The following SELENOW variants were observed in gnomAD, a reference collection of about 807,000 sequenced individuals.
SELENOW encodes selenoprotein W.
SELENOW carries 20 observed loss-of-function variants against 16.6 expected under a neutral mutation model. The ratio of observed to expected loss-of-function variants is 1.21; its 90% CI spans 0.85 to 1.76. SELENOW has a LOEUF of 1.76. SELENOW is among the 40% of genes most tolerant of loss of function. The pLI, the probability that SELENOW is intolerant of heterozygous loss-of-function variation, is 0.00. For missense variants in SELENOW, 124 were observed against 111.0 expected (o/e 1.12, Z -0.53); for synonymous variants, 44 against 46.2 (o/e 0.95, Z 0.19).
At chr19:47,782,983 A>G (rs957137167) in intron 5 of SELENOW, 5 of 152,168 alleles carry the variant, frequency 3.3e-5, no homozygotes, top group Non-Finnish European at 5.9e-5. Flanking sequence ...GTGAAACCCA[A>G]CCCATTCTAG....
At position 47,781,110 on chromosome 19, in the gene SELENOW, C is replaced by T. The variant is rs768462726; in HGVS notation, c.111C>T (p.Cys37=). 170 of 1,612,882 alleles carry T rather than the reference C, an allele frequency of 1.1e-4. No homozygotes were observed. Among genetic ancestry groups the T allele is most frequent in the Non-Finnish European group, 1.3e-4 (156 of 1,179,078 alleles). ...EDEFPGRLDI[C]GEGTPQATGF... ...TCTCCCCTACCCCCTTTCCTCAGTG[C>T]GGCGAGGGAACTCCCCAGGCCACCG... Residue 37 remains cysteine, a splice_region_variant and synonymous_variant, in exon 4 of 6, where the codon TGC becomes TGT. Coordinates refer to ENST00000601048, the MANE Select transcript of SELENOW (RefSeq NM_003009.4).
intron 5 of SELENOW, chr19:47,782,230 T>G (rs1967485268): frequency 6.6e-6 from 1 of 152,656 alleles, no homozygotes; most frequent in Non-Finnish European, 1.5e-5. Flanking sequence ...GAGAATTAGT[T>G]CTAGGAATAT....
rs778855384 is a variant in SELENOW at position 47,780,770 on chromosome 19, G to GA, written c.54+21_54+22insA. ...CCAAGGTAAGCAGAGTGGATGCCCG[G>GA]GGGGCATTCCTGGGAGCTGGGGAGG... On this transcript the variant is annotated intron_variant, in intron 2 of 5. Coordinates refer to ENST00000601048, the MANE Select transcript of SELENOW (RefSeq NM_003009.4). 25 of 1,581,414 alleles carry GA rather than the reference G, an allele frequency of 1.6e-5. No individual in the cohort carries two copies. The East Asian group carries it at 3.5e-4, about 22-fold the overall frequency.
intron 1 of SELENOW, chr19:47,779,573 C>CG (rs1472267895): frequency 1.3e-5 from 2 of 152,936 alleles, no homozygotes; most frequent in Non-Finnish European, 2.9e-5. Flanking sequence ...GAGGCTGAGG[C>CG]GGGTGGATCG....
chr19:47,780,659 C>T, intron 1 of SELENOW, 66 bp from the exon 2 acceptor site: 2 of 1,419,728 alleles, frequency 1.4e-6, no homozygotes, highest in Non-Finnish European at 1.9e-6. Flanking sequence ...TGTCTACCCT[C>T]CTCTCCCCGA....
At position 47,780,931 on chromosome 19, in the gene SELENOW, T is replaced by C. The variant is rs1967467389; in HGVS notation, c.108+14T>C. 6.2e-7 allele frequency: 1 copy of C among 1,613,130 alleles called. No individual in the cohort carries two copies. Among genetic ancestry groups the C allele is most frequent in the African/African-American group, 1.3e-5 (1 of 74,952 alleles). ...CGCCTGGACATCGTGAGTCTTGGGA[T>C]GGGGAGAAAGACTTGAGCACAGCCA... On this transcript the variant is annotated intron_variant, in intron 3 of 5. Coordinates refer to ENST00000601048, the MANE Select transcript of SELENOW (RefSeq NM_003009.4).
chr19:47,780,884 G>T lies in SELENOW; in HGVS notation c.75G>T (p.Lys25Asn). The T allele has an allele frequency of 6.2e-7, 1 of 1,613,370 alleles. No homozygotes were observed. The highest frequency in any genetic ancestry group is 8.5e-7 in the Non-Finnish European group (1 of 1,179,714). ...YKSKYLQLKK[K>N]LEDEFPGRLD... Reference sequence around the variant, plus strand: ...TTCAGTATCTTCAGCTCAAGAAGAAGTTAGAAGATGAGTTCCCCGGCCGCC... The same window carrying T: ...TTCAGTATCTTCAGCTCAAGAAGAATTTAGAAGATGAGTTCCCCGGCCGCC... Residue 25 changes from lysine (K) to asparagine (N), a missense_variant, in exon 3 of 6, where the codon AAG (lysine) becomes AAT (asparagine). By Grantham distance (94) the Lys-to-Asn change is moderately conservative (BLOSUM62 0). Transcript: ENST00000601048.
intron 2 of SELENOW, 57 bp downstream of exon 2, chr19:47,780,806 A>G: frequency 6.2e-7 from 1 of 1,600,698 alleles, no homozygotes; most frequent in Non-Finnish European, 8.5e-7. Flanking sequence ...GGTAGAGTGC[A>G]TATTGGGAGG....
intron 1 of SELENOW, chr19:47,780,012 GCC>G: frequency 2.9e-6 from 1 of 344,180 alleles, no homozygotes. Context: ...ATTTTGAGAC[GCC>G]TACCAGGCCT....
At position 47,780,914 on chromosome 19, in the gene SELENOW, C is replaced by G. The variant is rs773785053; in HGVS notation, c.105C>G (p.Asp35Glu). 9 of 1,613,294 alleles carry G rather than the reference C, an allele frequency of 5.6e-6. No homozygotes were observed. In the Middle Eastern group the frequency reaches 8.2e-4, roughly 147 times the overall value. The change falls in exon 3 of 6, where the codon GAC becomes GAG. Residue 35 changes from aspartate (D) to glutamate (E), a missense_variant. Coordinates refer to ENST00000601048, the MANE Select transcript of SELENOW (RefSeq NM_003009.4). ...KLEDEFPGRLDICGEGTPQAT... is the reference protein window; with the variant it reads ...KLEDEFPGRLEICGEGTPQAT... ...AAGATGAGTTCCCCGGCCGCCTGGA[C>G]ATCGTGAGTCTTGGGATGGGGAGAA...
intron 5 of SELENOW, chr19:47,781,694 C>A: frequency 2.2e-6 from 1 of 454,962 alleles, no homozygotes; most frequent in Non-Finnish European, 4.1e-6. Context: ...AGGATGACAG[C>A]TGAGATGGTG....
Position 47,778,777 on chromosome 19 carries a change from C to T in SELENOW, c.-9C>T, listed in dbSNP as rs759969682. On this transcript the variant is annotated 5_prime_UTR_variant, in exon 1 of 6. Transcript: ENST00000601048. ...GTCCGCTCCTCAGCGGATGTGGCAG[C>T]CCCGAGCCATGGCTCTCGCCGTCCG... 5.6e-6 allele frequency: 9 copies of T among 1,603,400 alleles called. No homozygotes were observed. Among genetic ancestry groups the T allele is most frequent in the Non-Finnish European group, 7.7e-6 (9 of 1,175,992 alleles).
chr19:47,779,117 G>A (rs1967442418), intron 1 of SELENOW: 2 of 449,312 alleles, frequency 4.5e-6, no homozygotes, highest in African/African-American at 4.1e-5. Context: ...CTGGGGGTCA[G>A]CTTTGTAAAG....
chr19:47,780,277 G>A (rs1040393410), intron 1 of SELENOW: 9 of 369,732 alleles, frequency 2.4e-5, no homozygotes, highest in Non-Finnish European at 4.4e-5. Context: ...AGGAGCCGCA[G>A]GGTTTTCCTT....
Position 47,781,185 on chromosome 19 carries a change from ATGTC to A in SELENOW, c.183+12_183+15del. 2 of 1,613,502 alleles carry A rather than the reference ATGTC, an allele frequency of 1.2e-6. No individual in the cohort carries two copies. The highest frequency in any genetic ancestry group is 1.7e-6 in the Non-Finnish European group (2 of 1,179,592). Reference sequence around the variant, plus strand: ...GGAAGTTGATTCACTCTAAGAAGGTATGTCTGTCTGTCCGTCCTGCCTGGTTTTG... The same window carrying A: ...GGAAGTTGATTCACTCTAAGAAGGTATGTCTGTCCGTCCTGCCTGGTTTTG... On this transcript the variant is annotated splice_donor_5th_base_variant and intron_variant, in intron 4 of 5. Coordinates refer to ENST00000601048, the MANE Select transcript of SELENOW (RefSeq NM_003009.4).
chr19:47,780,397 GTC>G lies in SELENOW; in HGVS notation c.30-323_30-322del, dbSNP rs544231259. On this transcript the variant is annotated intron_variant, in intron 1 of 5. Coordinates refer to ENST00000601048, the MANE Select transcript of SELENOW (RefSeq NM_003009.4). ...GTTCTCCTGGTTTTCCCCCGTCCCC[GTC>G]TCTCGTATTTGTGGTCTCCTTGTCT... is the stretch of plus-strand genomic sequence containing the variant. 623 of 445,442 alleles carry G rather than the reference GTC, an allele frequency of 1.4e-3. 3 individuals are homozygous for G. Among genetic ancestry groups the G allele is most frequent in the African/African-American group, 8.8e-3 (441 of 49,958 alleles). 27.6% of individuals were successfully genotyped at this position (445,442 alleles called of 1,614,324 possible).
At position 47,784,620 on chromosome 19, in the gene SELENOW, G is replaced by C. The variant is rs1967512248; in HGVS notation, c.*349G>C. Reference sequence around the variant, plus strand: ...GCCAAGAGAGGCATCAGGATGGGTGGGTTTCTGATTGTGGCAACGTTTGCA... The same window carrying C: ...GCCAAGAGAGGCATCAGGATGGGTGCGTTTCTGATTGTGGCAACGTTTGCA... On this transcript the variant is annotated 3_prime_UTR_variant, in exon 6 of 6. Transcript: ENST00000601048. 6.6e-6 allele frequency: 1 copy of C among 152,150 alleles called. No homozygotes were observed. The highest frequency in any genetic ancestry group is 6.6e-5 in the Admixed American group (1 of 15,250). The allele number at this position is 152,150 out of a possible 1,614,324, so 9.4% of individuals were successfully genotyped here. A position where few individuals can be genotyped will look rare whatever the true frequency, so the allele number is the denominator to read the frequency against.
intron 5 of SELENOW, chr19:47,783,613 C>T: frequency 6.6e-6 from 1 of 152,328 alleles, no homozygotes; most frequent in Non-Finnish European, 1.5e-5. Flanking sequence ...TCCCAGTGTG[C>T]CTTGTGCCAG....
rs1380856052 is a variant in SELENOW, at chr19:47,780,868, T to G, written c.59T>G (p.Leu20Arg). ...CGAUGYKSKY[L>R]QLKKKLEDEF... ...GACCTCTCACCGCGTTTTCAGTATCTTCAGCTCAAGAAGAAGTTAGAAGAT... is the reference window on the plus strand; with the variant it reads ...GACCTCTCACCGCGTTTTCAGTATCGTCAGCTCAAGAAGAAGTTAGAAGAT... The change falls in exon 3 of 6, where the codon CTT becomes CGT. Residue 20 changes from leucine (L) to arginine (R), a missense_variant. Physicochemically the swap from Leu to Arg is moderately radical, Grantham distance 102 (BLOSUM62 -2). Coordinates refer to ENST00000601048, the MANE Select transcript of SELENOW (RefSeq NM_003009.4). The G allele has an allele frequency of 6.2e-7, 1 of 1,613,030 alleles. No homozygotes were observed. Among genetic ancestry groups the G allele is most frequent in the South Asian group, 1.1e-5 (1 of 90,940 alleles).
Sources: gnomAD v4.1 joint callset for allele counts on GRCh38, gnomAD v4.1.1 for gene constraint, MANE v1.5 for transcripts, NCBI Gene and HGNC (gene_info 2026-07-23, HGNC 2026-07-21) for gene names.